Variants in LGSN observed in about 807,000 individuals in gnomAD.
The protein encoded by LGSN is lengsin.
LGSN carries 21 observed loss-of-function variants against 19.5 expected under a neutral mutation model. That is an observed-to-expected ratio of 1.07 (90% CI 0.76 to 1.55). LGSN has a LOEUF of 1.55. Ranked by LOEUF, LGSN falls within the 40% of genes most tolerant of loss-of-function variation. LGSN has a pLI of 0.00. For missense variants in LGSN, 673 were observed against 608.5 expected (o/e 1.11, Z -1.12); for synonymous variants, 257 against 215.6 (o/e 1.19, Z -1.68).
the LGSN span, among the ~76,000 whole-genome samples, chr6:63,423,921 T>A: frequency 2.0e-5 from 3 of 152,094 alleles, no homozygotes; most frequent in Non-Finnish European, 4.4e-5. Context: ...ATGCCTGTAA[T>A]CCCAGCTACT....
the LGSN span, among the ~76,000 whole-genome samples, chr6:63,459,688 C>G: frequency 4.6e-5 from 7 of 152,042 alleles, no homozygotes. Flanking sequence ...CCTAGGCAGG[C>G]AGATCACTGG....
chr6:63,363,324 A>T, the LGSN span, among the ~76,000 whole-genome samples: 1 of 152,382 alleles, frequency 6.6e-6, no homozygotes, highest in Admixed American at 6.5e-5. Context: ...CTCACCAGCA[A>T]CAGAACAAAG....
At chr6:63,376,514 C>T in the LGSN span, among the ~76,000 whole-genome samples, 1 of 152,180 alleles carries the variant, frequency 6.6e-6, no homozygotes, top group Non-Finnish European at 1.5e-5. Flanking sequence ...TGCTCAGATT[C>T]AATATTCTGC....
At chr6:63,490,603 G>T in the LGSN span, among the ~76,000 whole-genome samples, 1 of 151,720 alleles carries the variant, frequency 6.6e-6, no homozygotes, top group Non-Finnish European at 1.5e-5. Flanking sequence ...TTGAGACAGA[G>T]TCTCATTCTG....
the LGSN span, among the ~76,000 whole-genome samples, chr6:63,365,840 C>A: frequency 7.2e-5 from 11 of 152,178 alleles, no homozygotes; most frequent in Admixed American, 2.6e-4. Flanking sequence ...AAAAAAAATA[C>A]ATGATTATCT....
At chr6:63,450,193 CAAAAAA>C in the LGSN span, among the ~76,000 whole-genome samples, 4 of 94,814 alleles carry the variant, frequency 4.2e-5, no homozygotes, top group African/African-American at 2.1e-4. Context: ...CTAAAAAATG[CAAAAAA>C]AAAAAAAAAA....
chr6:63,423,516 C>T, the LGSN span, among the ~76,000 whole-genome samples: 1 of 150,350 alleles, frequency 6.7e-6, no homozygotes, highest in African/African-American at 2.5e-5. Context: ...CCTAGCTACA[C>T]AGGAGGCTGA....
At chr6:63,495,469 T>TTTTCTTTTTTTTTTTTTTTTTTTTTTTG in the LGSN span, among the ~76,000 whole-genome samples, 1 of 119,306 alleles carries the variant, frequency 8.4e-6, no homozygotes, top group African/African-American at 3.4e-5. Flanking sequence ...TTTTTTTTTT[T>TTTTCTTTTTTTTTTTTTTTTTTTTTTTG]TTTTTTTGAG....
the LGSN span, chr6:63,550,457 G>A: frequency 2.0e-5 from 3 of 152,124 alleles, no homozygotes; most frequent in African/African-American, 4.8e-5. Flanking sequence ...TTCTTCAGAC[G>A]ACTCTACCTG....
the LGSN span, among the ~76,000 whole-genome samples, chr6:63,447,694 G>A: frequency 6.6e-6 from 1 of 151,810 alleles, no homozygotes. Flanking sequence ...TCACAATCTT[G>A]GAATTTCTAT....
chr6:63,285,645 T>C lies in LGSN; in HGVS notation c.272A>G (p.Glu91Gly), dbSNP rs1350030285. 2 of 1,614,016 alleles carry C rather than the reference T, an allele frequency of 1.2e-6. No individual in the cohort carries two copies. The highest frequency in any genetic ancestry group is 4.5e-5 in the East Asian group (2 of 44,886). The change falls in exon 3 of 4, where the codon GAA becomes GGA. Residue 91 changes from glutamate (E) to glycine (G), a missense_variant. Coordinates refer to ENST00000370657, the MANE Select transcript of LGSN (RefSeq NM_016571.3). ...AKNRLQFVRFEATDLHGVSRS... is the reference protein window; with the variant it reads ...AKNRLQFVRFGATDLHGVSRS... ...GGACACGCCGTGGAGGTCTGTTGCT[T>C]CAAATCGTACAAACTGGAGGCGATT...
the LGSN span, among the ~76,000 whole-genome samples, chr6:63,486,021 C>T: frequency 6.6e-6 from 1 of 152,124 alleles, no homozygotes; most frequent in African/African-American, 2.4e-5. Flanking sequence ...TGAGCCACCA[C>T]ACCCGGCTGA....
At chr6:63,423,278 G>A in the LGSN span, among the ~76,000 whole-genome samples, 9 of 152,232 alleles carry the variant, frequency 5.9e-5, no homozygotes, top group East Asian at 7.7e-4. Context: ...CCAGGAGGCC[G>A]AACAGCAGTG....
chr6:63,312,358 T>C (rs1274422506), intron 1 of LGSN, among the ~76,000 whole-genome samples: 1 of 152,208 alleles, frequency 6.6e-6, no homozygotes, highest in African/African-American at 2.4e-5. Context: ...CTATTTTTAA[T>C]GGATGATTGA....
At chr6:63,419,617 G>A in the LGSN span, among the ~76,000 whole-genome samples, 1 of 151,974 alleles carries the variant, frequency 6.6e-6, no homozygotes, top group Non-Finnish European at 1.5e-5. Flanking sequence ...GGCCTGGCAG[G>A]GTGGCTCACG....
the LGSN span, among the ~76,000 whole-genome samples, chr6:63,505,544 A>G: frequency 7.6e-6 from 1 of 132,008 alleles, no homozygotes; most frequent in Non-Finnish European, 1.6e-5. Context: ...GGACAGAGCA[A>G]GAATCTGTCA....
chr6:63,337,434 G>A, the LGSN span, among the ~76,000 whole-genome samples: 2 of 151,668 alleles, frequency 1.3e-5, no homozygotes, highest in South Asian at 2.1e-4. Flanking sequence ...CCAAGATAGC[G>A]CCACTGCACT....
chr6:63,280,567 G>A lies in LGSN; in HGVS notation c.984C>T (p.Phe328=). The part of the protein sequence containing the change: ...LWDVDRKKNM[F]CSTSGTEQLT... The stretch of plus-strand genomic sequence containing the variant: ...GCTGCTCAGTTCCAGAAGTGCTGCA[G>A]AACATGTTTTTCTTCCTATCGACAT... The change falls in exon 4 of 4, where the codon TTC becomes TTT. Residue 328 remains phenylalanine, a synonymous_variant. Coordinates refer to ENST00000370657, the MANE Select transcript of LGSN (RefSeq NM_016571.3). 1 of 1,614,074 alleles carries A rather than the reference G, an allele frequency of 6.2e-7. No homozygotes were observed. The highest frequency in any genetic ancestry group is 8.5e-7 in the Non-Finnish European group (1 of 1,180,028).
At chr6:63,453,115 T>C in the LGSN span, among the ~76,000 whole-genome samples, 3 of 152,172 alleles carry the variant, frequency 2.0e-5, no homozygotes. Context: ...CTTTCTGTAA[T>C]TAATTTCTAT....
Sources: gnomAD v4.1 joint callset for allele counts (sites outside exome capture counted in the v4.1 genomes callset) on GRCh38, gnomAD v4.1.1 for gene constraint, MANE v1.5 for transcripts, NCBI Gene and HGNC (gene_info 2026-07-23, HGNC 2026-07-21) for gene names.